The following DCC variants were observed in gnomAD, a reference collection of about 807,000 sequenced individuals.
DCC encodes DCC netrin 1 receptor, also known as netrin receptor DCC.
A neutral mutation model predicts 172.5 loss-of-function variants in DCC; 58 were observed. The observed-to-expected ratio is 0.34, with a 90% CI of 0.27 to 0.42. DCC has a LOEUF of 0.42. Among genes scored for constraint, DCC ranks in the 10% least tolerant of loss-of-function variants. The pLI is 1.00. For synonymous variants in DCC, 709 were observed against 644.5 expected (o/e 1.10, Z -1.52); for missense variants, 1,740 against 1,791.0 (o/e 0.97, Z 0.51).
At chr18:52,512,187 G>T (rs1380629047) in intron 1 of DCC, among the ~76,000 whole-genome samples, 2 of 152,180 alleles carry the variant, frequency 1.3e-5, no homozygotes, top group African/African-American at 4.8e-5. Context: ...AACTATAAAA[G>T]GGTTGTGCAA....
rs760027050 is a variant in DCC, at chr18:52,527,967, G to A, written c.91+187089G>A. Among the ~76,000 whole-genome samples, 5 of 152,192 alleles carry A rather than the reference G, an allele frequency of 3.3e-5. 1 individual carries two copies. The South Asian group carries it at 1.0e-3, about 32-fold the overall frequency. ...ACTTGTAATACAGAGGGTCAGCAAG[G>A]CAAATTTGCCTGCCTTTCCAAAGCC... On this transcript the variant is annotated intron_variant, in intron 1 of 28. Transcript: ENST00000442544.
At chr18:52,850,831 A>C (rs1339958766) in intron 2 of DCC, among the ~76,000 whole-genome samples, 2 of 151,228 alleles carry the variant, frequency 1.3e-5, no homozygotes, top group East Asian at 3.8e-4. Context: ...ATTTTATTTT[A>C]TGTGTTATTG....
intron 2 of DCC, among the ~76,000 whole-genome samples, chr18:52,831,261 G>C (rs1428779703): frequency 3.9e-5 from 6 of 152,130 alleles, no homozygotes; most frequent in Admixed American, 2.0e-4. Context: ...TAGGACATGA[G>C]CTATGATTAG....
At chr18:52,716,930 G>C (rs921327022) in intron 1 of DCC, among the ~76,000 whole-genome samples, 8 of 152,184 alleles carry the variant, frequency 5.3e-5, no homozygotes, top group African/African-American at 1.4e-4. Context: ...TGGGCTCACA[G>C]ATGGGAGGCT....
chr18:52,785,935 C>T (rs182181948), intron 2 of DCC, among the ~76,000 whole-genome samples: 198 of 152,114 alleles, frequency 1.3e-3, no homozygotes, highest in African/African-American at 4.4e-3. Flanking sequence ...TTCATACTTC[C>T]TTTTTGGTGA....
intron 12 of DCC, among the ~76,000 whole-genome samples, chr18:53,243,721 G>A (rs945110178): frequency 6.6e-6 from 1 of 152,110 alleles, no homozygotes; most frequent in African/African-American, 2.4e-5. Flanking sequence ...TTATCATGGA[G>A]TATTAACGAC....
chr18:52,529,630 G>A (rs1020325545), intron 1 of DCC, among the ~76,000 whole-genome samples: 1 of 152,178 alleles, frequency 6.6e-6, no homozygotes, highest in African/African-American at 2.4e-5. Context: ...ATTTCCTCAA[G>A]TTCTTCCAGG....
chr18:53,050,057 G>T (rs188844011), intron 5 of DCC, among the ~76,000 whole-genome samples: 1 of 148,012 alleles, frequency 6.8e-6, no homozygotes, highest in African/African-American at 2.7e-5. Flanking sequence ...TGAAAAAGCT[G>T]AAAAACTTAG....
chr18:53,466,578 T>C (rs1235614139), intron 24 of DCC, among the ~76,000 whole-genome samples: 3 of 152,182 alleles, frequency 2.0e-5, no homozygotes, highest in African/African-American at 7.2e-5. Context: ...CAAGCTGGAG[T>C]GCAGTGGCGC....
At chr18:53,204,765 T>C (rs1024218515) in intron 9 of DCC, among the ~76,000 whole-genome samples, 4 of 152,148 alleles carry the variant, frequency 2.6e-5, no homozygotes, top group African/African-American at 9.7e-5. Context: ...ATGTGGTAAA[T>C]TATCCATAGC....
intron 24 of DCC, among the ~76,000 whole-genome samples, chr18:53,466,611 C>T (rs539416575): frequency 2.2e-4 from 33 of 152,178 alleles, no homozygotes; most frequent in African/African-American, 6.0e-4. Context: ...TTGCAACCTC[C>T]GCCTCCTGGG....
In DCC at chr18:53,213,908, A is replaced by T. The variant is rs189396493; in HGVS notation, c.1862-1640A>T. Among the ~76,000 whole-genome samples, 403 of 151,892 alleles carry T rather than the reference A, an allele frequency of 2.7e-3. 7 individuals are homozygous for T. The highest frequency in any genetic ancestry group is 0.022 in the Admixed American group (343 of 15,270). On this transcript the variant is annotated intron_variant, in intron 11 of 28. Coordinates refer to ENST00000442544, the MANE Select transcript of DCC (RefSeq NM_005215.4). ...TATACTTTAACTTAAAAATTTACAA[A>T]ACAAAACTTGGGACCAAACCCTGAA...
At chr18:52,950,081 C>T (rs1323989059) in intron 5 of DCC, among the ~76,000 whole-genome samples, 3 of 152,138 alleles carry the variant, frequency 2.0e-5, no homozygotes, top group Non-Finnish European at 4.4e-5. Context: ...GAAGCTTAAA[C>T]TTTCCATTTC....
chr18:52,581,421 T>C (rs781032638), intron 1 of DCC, among the ~76,000 whole-genome samples: 12 of 152,176 alleles, frequency 7.9e-5, no homozygotes, highest in Non-Finnish European at 1.6e-4. Flanking sequence ...AAATTCTGTA[T>C]AAGAGATTAT....
chr18:53,391,588 T>C lies in DCC; in HGVS notation c.2456-67T>C, dbSNP rs80063202. ...TCATTGTGATGTGTTACCACTGATATTTATTTTTTAACGCTTTTATTTACG... is the reference window on the plus strand; with the variant it reads ...TCATTGTGATGTGTTACCACTGATACTTATTTTTTAACGCTTTTATTTACG... On this transcript the variant is annotated intron_variant, in intron 16 of 28. Coordinates refer to ENST00000442544, the MANE Select transcript of DCC (RefSeq NM_005215.4). 4.1e-3 allele frequency: 4,253 copies of C among 1,044,046 alleles called. 14 individuals carry two copies. The highest frequency in any genetic ancestry group is 5.1e-3 in the Non-Finnish European group (3,401 of 661,804). 64.7% of individuals were successfully genotyped at this position (1,044,046 alleles called of 1,614,324 possible).
chr18:53,462,743 C>T (rs764808430), intron 24 of DCC, among the ~76,000 whole-genome samples: 4 of 152,022 alleles, frequency 2.6e-5, no homozygotes, highest in Admixed American at 6.5e-5. Flanking sequence ...TAGACCAGGC[C>T]CAGTTCCATG....
Position 52,906,098 on chromosome 18 carries a change from C to G in DCC, c.467C>G (p.Thr156Arg). The change falls in exon 3 of 29, where the codon ACA becomes AGA. Residue 156 changes from threonine to arginine, a missense_variant. By Grantham distance (71) the Thr-to-Arg change is moderately conservative (BLOSUM62 -1). Coordinates refer to ENST00000442544, the MANE Select transcript of DCC (RefSeq NM_005215.4). The stretch of plus-strand genomic sequence containing the variant: ...TCTGTCACAGCCTTCATGGGAGACA[C>G]AGTGCTACTCAAGTGTGAAGTCATT... ...TESVTAFMGD[T>R]VLLKCEVIGE... is the part of the protein sequence containing the mutation. 6.2e-7 allele frequency: 1 copy of G among 1,612,992 alleles called. No homozygotes were observed. Among genetic ancestry groups the G allele is most frequent in the Non-Finnish European group, 8.5e-7 (1 of 1,178,990 alleles).
At chr18:53,100,969 T>TG (rs34282615) in intron 7 of DCC, among the ~76,000 whole-genome samples, 1 of 151,768 alleles carries the variant, frequency 6.6e-6, no homozygotes, top group Non-Finnish European at 1.5e-5. Context: ...ATCCAGACCA[T>TG]GGGGGAGGAA....
At chr18:53,089,531 T>G (rs1217389542) in intron 7 of DCC, among the ~76,000 whole-genome samples, 1 of 151,810 alleles carries the variant, frequency 6.6e-6, no homozygotes, top group East Asian at 1.9e-4. Context: ...TGCTTTGGAA[T>G]AAAGATGAAT....
Sources: gnomAD v4.1 joint callset for allele counts (sites outside exome capture counted in the v4.1 genomes callset) on GRCh38, gnomAD v4.1.1 for gene constraint, MANE v1.5 for transcripts, NCBI Gene and HGNC (gene_info 2026-07-23, HGNC 2026-07-21) for gene names.